The following ZNF711 variants were observed in gnomAD, a reference collection of about 807,000 sequenced individuals.
The protein encoded by ZNF711 is zinc finger protein 711.
Under a neutral mutation model 43.5 loss-of-function variants are expected in ZNF711, and 3 were observed. The ratio of observed to expected loss-of-function variants is 0.07; its 90% confidence interval spans 0.03 to 0.18. The LOEUF (loss-of-function observed/expected upper bound fraction) is 0.18. Ranked by LOEUF, ZNF711 falls within the 10% of genes least tolerant of loss-of-function variation. The pLI is 1.00. For missense variants in ZNF711, 412 were observed against 604.0 expected (o/e 0.68, Z 3.33); for synonymous variants, 209 against 207.7 (o/e 1.01, Z -0.06).
chrX:85,256,072 C>A lies in ZNF711; in HGVS notation c.622+271C>A, dbSNP rs180923060. ...GATTTGGCAACAACAAGAACATTAA[C>A]TGATACAAAATTTTAATGATAAATA... On this transcript the variant is annotated intron_variant, in intron 5 of 10. Transcript: ENST00000674551. Among the ~76,000 whole-genome samples, 146 of 111,045 alleles carry A rather than the reference C, an allele frequency of 1.3e-3. 1 individual carries two copies. The highest frequency in any genetic ancestry group is 1.4e-3 in the East Asian group (5 of 3,526).
At chrX:85,260,505 T>C (rs988902983) in intron 5 of ZNF711, among the ~76,000 whole-genome samples, 5 of 110,310 alleles carry the variant, frequency 4.5e-5, no homozygotes, top group Non-Finnish European at 5.7e-5. Context: ...TGCAAATAAG[T>C]GGTTTTTCAT....
intron 5 of ZNF711, among the ~76,000 whole-genome samples, chrX:85,257,055 A>G (rs182414068): frequency 1.8e-4 from 20 of 111,982 alleles, no homozygotes; most frequent in Non-Finnish European, 3.4e-4. Context: ...TGTATTGTGA[A>G]CAGTCATACC....
intron 4 of ZNF711, among the ~76,000 whole-genome samples, chrX:85,248,185 A>AAAAG (rs1491519760): frequency 6.5e-5 from 7 of 107,122 alleles, no homozygotes; most frequent in African/African-American, 2.4e-4. Context: ...AAAAAAAAAA[A>AAAAG]GAGGCCGGGC....
In ZNF711 at chrX:85,272,535, A is replaced by C. The variant is rs964448135; in HGVS notation, c.*707A>C. ...AGTTGATTGTTGTTCAGTATGGCAT[A>C]TATGACAAAAGTATATTTGAGTCAA... On this transcript the variant is annotated 3_prime_UTR_variant, in exon 11 of 11. Transcript: ENST00000674551. 8.9e-6 allele frequency: 1 copy of C among 112,138 alleles called. No homozygotes were observed. Among genetic ancestry groups the C allele is most frequent in the African/African-American group, 3.2e-5 (1 of 30,864 alleles). 9.2% of individuals were successfully genotyped at this position (112,138 alleles called of 1,213,427 possible).
In ZNF711 at chrX:85,272,958, G is replaced by C. The variant is rs1018826775; in HGVS notation, c.*1130G>C. On this transcript the variant is annotated 3_prime_UTR_variant, in exon 11 of 11. Transcript: ENST00000674551. The stretch of plus-strand genomic sequence containing the variant: ...TGTTAGCATGCTGCAAATCAAAATG[G>C]CACTTAATATTAAAAGCTGGTTTAG... The C allele has an allele frequency of 2.7e-5, 3 of 111,621 alleles. No individual in the cohort carries two copies. The highest frequency in any genetic ancestry group is 9.8e-5 in the African/African-American group (3 of 30,698). 9.2% of individuals were successfully genotyped at this position (111,621 alleles called of 1,213,427 possible).
chrX:85,249,628 T>C (rs1224375916), intron 4 of ZNF711, among the ~76,000 whole-genome samples: 1 of 112,038 alleles, frequency 8.9e-6, no homozygotes, highest in Admixed American at 9.5e-5. Flanking sequence ...TTTTTTCTTT[T>C]AGTTGTTAGG....
intron 1 of ZNF711, chrX:85,244,974 T>A (rs1313659465): frequency 9.0e-6 from 1 of 111,721 alleles, no homozygotes; most frequent in African/African-American, 3.3e-5. Flanking sequence ...AGGTTTAAGA[T>A]CTAGTCAGAT....
At chrX:85,247,453 G>A (rs1376358664) in intron 3 of ZNF711, 94 bp from the exon 4 acceptor site, 4 of 541,322 alleles carry the variant, frequency 7.4e-6, no homozygotes, top group Non-Finnish European at 1.2e-5. Flanking sequence ...TCCACACTTG[G>A]TTGAAAGGCA....
chrX:85,255,252 A>T lies in ZNF711; in HGVS notation c.80-7A>T. The T allele has an allele frequency of 8.3e-7, 1 of 1,208,369 alleles. No homozygotes were observed. The stretch of plus-strand genomic sequence containing the variant: ...TTACCTTTTTTGGATAATTGTTTGT[A>T]TTATAGTGGCTGGAATGGCTGGTAC... On this transcript the variant is annotated splice_polypyrimidine_tract_variant and splice_region_variant and intron_variant, in intron 4 of 10. Coordinates refer to ENST00000674551, the MANE Select transcript of ZNF711 (RefSeq NM_001330574.2).
rs1264656298 is a variant in ZNF711, at chrX:85,270,900, G to A, written c.1496G>A (p.Arg499Gln). The part of the protein sequence containing the change: ...DKTHEFTEYT[R>Q]RYREASPLSS... ...ACCCATGAATTTACAGAATACACAC[G>A]AAGATACAGAGAGGCTAGTCCACTG... The change falls in exon 11 of 11, where the codon CGA becomes CAA. Residue 499 changes from arginine to glutamine, a missense_variant. By Grantham distance (43) the Arg-to-Gln change is conservative. Coordinates refer to ENST00000674551, the MANE Select transcript of ZNF711 (RefSeq NM_001330574.2). 8.3e-7 allele frequency: 1 copy of A among 1,210,264 alleles called. No homozygotes were observed. Among genetic ancestry groups the A allele is most frequent in the South Asian group, 1.8e-5 (1 of 56,817 alleles).
chrX:85,270,520 T>C (rs1356701805), intron 10 of ZNF711, 131 bp from the exon 11 acceptor site: 3 of 606,188 alleles, frequency 4.9e-6, no homozygotes, highest in Non-Finnish European at 7.9e-6. Flanking sequence ...TATGTATTTT[T>C]TATATTACAG....
intron 5 of ZNF711, among the ~76,000 whole-genome samples, chrX:85,259,190 T>A (rs6653048): frequency 0.13 from 14,596 of 110,638 alleles, 728 homozygotes; most frequent in South Asian, 0.17. Context: ...TTCTGTTGAT[T>A]TTGCCAAAGA....
At chrX:85,269,380 TC>T (rs1931375319) in intron 9 of ZNF711, among the ~76,000 whole-genome samples, 1 of 105,383 alleles carries the variant, frequency 9.5e-6, no homozygotes, top group Non-Finnish European at 1.9e-5. Context: ...CTTTCTTTTT[TC>T]TTTTTTTTTT....
intron 7 of ZNF711, among the ~76,000 whole-genome samples, chrX:85,266,419 A>T (rs1931097233): frequency 9.0e-6 from 1 of 111,383 alleles, no homozygotes; most frequent in Admixed American, 9.6e-5. Context: ...CTTATGCCAG[A>T]ATTCTATGGG....
chrX:85,254,339 T>G (rs1285169738), intron 4 of ZNF711, among the ~76,000 whole-genome samples: 1,929 of 70,692 alleles, frequency 0.027, 51 homozygotes, highest in African/African-American at 0.063. Context: ...GCGCGGTGGC[T>G]CACGCCTGTA....
intron 4 of ZNF711, among the ~76,000 whole-genome samples, chrX:85,254,127 C>T (rs1049312672): frequency 1.4e-4 from 16 of 111,242 alleles, no homozygotes; most frequent in African/African-American, 4.9e-4. Context: ...TATTTCTGTA[C>T]AGTGTTTGGT....
chrX:85,254,658 C>T (rs1214796758), intron 4 of ZNF711, among the ~76,000 whole-genome samples: 1 of 67,544 alleles, frequency 1.5e-5, no homozygotes, highest in Admixed American at 2.2e-4. Context: ...AAAAATTAGC[C>T]GGGCGCAGTG....
intron 5 of ZNF711, among the ~76,000 whole-genome samples, chrX:85,262,235 A>G (rs1157649941): frequency 9.0e-6 from 1 of 111,023 alleles, no homozygotes; most frequent in African/African-American, 3.3e-5. Flanking sequence ...ATTATGGTAC[A>G]AAACTATTAA....
At chrX:85,254,478 GCGCCTGTAGTC>G (rs1929878401) in intron 4 of ZNF711, among the ~76,000 whole-genome samples, 1 of 83,664 alleles carries the variant, frequency 1.2e-5, no homozygotes, top group Non-Finnish European at 2.2e-5. Context: ...GCGGTGGCGG[GCGCCTGTAGTC>G]CCAGCTACTC....
Sources: allele counts gnomAD v4.1 joint callset (sites outside exome capture counted in the v4.1 genomes callset), GRCh38; gene constraint gnomAD v4.1.1; transcripts MANE v1.5; gene names NCBI Gene and HGNC (gene_info 2026-07-23, HGNC 2026-07-21).